Variants in BRAF observed in about 807,000 individuals in gnomAD.
The protein encoded by BRAF is B-Raf proto-oncogene, serine/threonine kinase.
A neutral mutation model predicts 104.6 loss-of-function variants in BRAF; 16 were observed. The observed-to-expected ratio is 0.15, with a 90% CI of 0.10 to 0.23. The LOEUF (loss-of-function observed/expected upper bound fraction) is 0.23. Ranked by LOEUF, BRAF falls within the 10% of genes least tolerant of loss-of-function variation. The probability of loss-of-function intolerance (pLI) is 1.00; values close to 1 mark genes in which losing one functional copy is unlikely to be tolerated. For synonymous variants in BRAF, 310 were observed against 341.6 expected (o/e 0.91, Z 1.02); for missense variants, 541 against 937.3 (o/e 0.58, Z 5.52).
intron 3 of BRAF, among the ~76,000 whole-genome samples, chr7:140,826,030 C>T (rs1414364598): frequency 6.6e-6 from 1 of 152,086 alleles, no homozygotes; most frequent in Admixed American, 6.5e-5. Context: ...ATGCTCATTC[C>T]ATTTTTCATA....
intron 1 of BRAF, among the ~76,000 whole-genome samples, chr7:140,888,770 G>C (rs1813874629): frequency 6.6e-6 from 1 of 151,996 alleles, no homozygotes; most frequent in Non-Finnish European, 1.5e-5. Flanking sequence ...GGGAGGTGGA[G>C]GTTGCAGTGG....
At chr7:140,817,712 T>C (rs185931032) in intron 3 of BRAF, among the ~76,000 whole-genome samples, 1 of 152,268 alleles carries the variant, frequency 6.6e-6, no homozygotes, top group African/African-American at 2.4e-5. Flanking sequence ...TCTCTTCAAA[T>C]GATACTCCCT....
At chr7:140,754,389 A>G (rs1432110917) in intron 14 of BRAF, among the ~76,000 whole-genome samples, 156 bp from the exon 14 acceptor site, 1 of 152,188 alleles carries the variant, frequency 6.6e-6, no homozygotes, top group Admixed American at 6.5e-5. Context: ...ATTAAAATAG[A>G]CTGTAAATGA....
At chr7:140,766,816 C>G (rs1390471628) in intron 14 of BRAF, among the ~76,000 whole-genome samples, 2 of 151,932 alleles carry the variant, frequency 1.3e-5, no homozygotes, top group Admixed American at 1.3e-4. Context: ...TCCTAAAGTG[C>G]TTGGATTACA....
chr7:140,824,341 G>A (rs191766496), intron 3 of BRAF: 3 of 152,212 alleles, frequency 2.0e-5, no homozygotes, highest in East Asian at 3.9e-4. Flanking sequence ...ATAAGGGAAG[G>A]GTACCACTTC....
chr7:140,871,890 G>A (rs1362142641), intron 1 of BRAF, among the ~76,000 whole-genome samples: 1 of 152,064 alleles, frequency 6.6e-6, no homozygotes, highest in African/African-American at 2.4e-5. Context: ...CTATTATGGA[G>A]GAGCTGCACT....
At chr7:140,837,719 T>C (rs1807493383) in intron 2 of BRAF, among the ~76,000 whole-genome samples, 1 of 152,236 alleles carries the variant, frequency 6.6e-6, no homozygotes, top group Admixed American at 6.5e-5. Flanking sequence ...TTTAACATCA[T>C]ATTACAGTCA....
At chr7:140,860,127 G>C (rs1034128051) in intron 1 of BRAF, among the ~76,000 whole-genome samples, 2 of 152,172 alleles carry the variant, frequency 1.3e-5, no homozygotes, top group African/African-American at 4.8e-5. Flanking sequence ...AGCCCAAAGA[G>C]ACAGAATAGA....
chr7:140,814,143 C>G (rs1404017206), intron 3 of BRAF, among the ~76,000 whole-genome samples: 1 of 152,010 alleles, frequency 6.6e-6, no homozygotes, highest in Non-Finnish European at 1.5e-5. Flanking sequence ...CTTTGATTAG[C>G]TTGTCAGAGC....
At chr7:140,817,932 T>C (rs1451781452) in intron 3 of BRAF, among the ~76,000 whole-genome samples, 1 of 152,180 alleles carries the variant, frequency 6.6e-6, no homozygotes, top group East Asian at 1.9e-4. Flanking sequence ...GATCTGTATG[T>C]GTTAACATAT....
At position 140,725,422 on chromosome 7, in the gene BRAF, T is replaced by C. The variant is rs1211209512; in HGVS notation, c.*1072A>G. The C allele has an allele frequency of 5.3e-6, 5 of 951,138 alleles. No individual in the cohort carries two copies. The African/African-American group carries it at 6.9e-5, about 13-fold the overall frequency. The allele number at this position is 951,138 out of a possible 1,614,324, so 58.9% of individuals were successfully genotyped here. On this transcript the variant is annotated 3_prime_UTR_variant, in exon 20 of 20. Coordinates refer to ENST00000644969, the MANE Select transcript of BRAF (RefSeq NM_001374258.1). ...CAGGATATATAATTCTGGTGGGAAGTATTGTTTTTTTCCAATTCAATTAAA... is the reference window on the plus strand; with the variant it reads ...CAGGATATATAATTCTGGTGGGAAGCATTGTTTTTTTCCAATTCAATTAAA...
intron 14 of BRAF, among the ~76,000 whole-genome samples, chr7:140,766,957 G>C (rs769511078): frequency 5.3e-5 from 8 of 151,900 alleles, no homozygotes; most frequent in Non-Finnish European, 1.0e-4. Context: ...CTTCCCAAAG[G>C]GCTGGGATTA....
intron 3 of BRAF, among the ~76,000 whole-genome samples, chr7:140,811,257 C>A (rs1213247037): frequency 6.6e-6 from 1 of 152,102 alleles, no homozygotes. Context: ...AAAGATATGA[C>A]CACGAGGTGG....
At chr7:140,760,890 GA>G (rs1480094291) in intron 14 of BRAF, among the ~76,000 whole-genome samples, 2 of 152,156 alleles carry the variant, frequency 1.3e-5, no homozygotes, top group African/African-American at 4.8e-5. Flanking sequence ...GGGACTATGT[GA>G]AAAGACCAAA....
At chr7:140,856,571 C>G (rs1809808404) in intron 1 of BRAF, among the ~76,000 whole-genome samples, 1 of 152,090 alleles carries the variant, frequency 6.6e-6, no homozygotes, top group Non-Finnish European at 1.5e-5. Context: ...TTGAATCATA[C>G]AGTCATCAAA....
intron 6 of BRAF, chr7:140,801,111 T>G (rs1173023608): frequency 3.6e-6 from 1 of 276,408 alleles, no homozygotes; most frequent in East Asian, 8.0e-5. Flanking sequence ...TTAATTTAAT[T>G]GAAACAACTC....
intron 19 of BRAF, among the ~76,000 whole-genome samples, chr7:140,726,801 T>A (rs1795621408): frequency 6.6e-6 from 1 of 152,226 alleles, no homozygotes; most frequent in South Asian, 2.1e-4. Context: ...ACAGTTCCAA[T>A]GAACAAAATT....
chr7:140,793,288 T>C (rs1306283712), intron 8 of BRAF, among the ~76,000 whole-genome samples: 4 of 152,184 alleles, frequency 2.6e-5, no homozygotes, highest in Non-Finnish European at 2.9e-5. Flanking sequence ...CCTGGACATA[T>C]GGTTTGATTT....
At chr7:140,807,331 A>G (rs1262891529) in intron 5 of BRAF, among the ~76,000 whole-genome samples, 1 of 152,216 alleles carries the variant, frequency 6.6e-6, no homozygotes, top group African/African-American at 2.4e-5. Context: ...CAGATTTTTT[A>G]TAATACAAAA....
Sources: gnomAD v4.1 joint callset for allele counts (sites outside exome capture counted in the v4.1 genomes callset) on GRCh38, gnomAD v4.1.1 for gene constraint, MANE v1.5 for transcripts, NCBI Gene and HGNC (gene_info 2026-07-23, HGNC 2026-07-21) for gene names.